The following GLCE variants were observed in gnomAD, a reference collection of about 807,000 sequenced individuals.
GLCE encodes the protein glucuronic acid epimerase.
A neutral mutation model predicts 47.9 loss-of-function variants in GLCE; 19 were observed. The ratio of observed to expected loss-of-function variants is 0.40; its 90% CI spans 0.28 to 0.58. The LOEUF (loss-of-function observed/expected upper bound fraction) is 0.58, where lower values mean the gene tolerates loss of function less well. GLCE is among the 20% of genes least tolerant of loss of function. GLCE has a pLI of 0.48. For missense variants in GLCE, 556 were observed against 743.3 expected (o/e 0.75, Z 2.93); for synonymous variants, 245 against 263.4 (o/e 0.93, Z 0.68).
intron 2 of GLCE, among the ~76,000 whole-genome samples, chr15:69,227,079 C>T (rs371201962): frequency 2.5e-3 from 374 of 151,832 alleles, no homozygotes; most frequent in African/African-American, 8.6e-3. Flanking sequence ...ATTCTTGAGT[C>T]GGATGTTAGT....
intron 1 of GLCE, among the ~76,000 whole-genome samples, chr15:69,188,867 A>G (rs2140349857): frequency 6.6e-6 from 1 of 152,332 alleles, no homozygotes; most frequent in African/African-American, 2.4e-5. Flanking sequence ...CATTGACTCA[A>G]TAAAAAATTT....
intron 1 of GLCE, among the ~76,000 whole-genome samples, chr15:69,193,012 C>T (rs2051935762): frequency 6.6e-6 from 1 of 152,084 alleles, no homozygotes. Flanking sequence ...GCCAAAGATC[C>T]AGTAGGACTG....
Position 69,261,112 on chromosome 15 carries a change from A to G in GLCE, c.612A>G (p.Gly204=), listed in dbSNP as rs1397063578. The change falls in exon 4 of 5, where the codon GGA becomes GGG. Residue 204 remains glycine (G), a synonymous_variant. Transcript: ENST00000261858. Reference sequence around the variant, plus strand: ...GTGTGCCATTATCTACACAATGGGGACCTCAAGGCTATTTCTATCCAATCC... The same window carrying G: ...GTGTGCCATTATCTACACAATGGGGGCCTCAAGGCTATTTCTATCCAATCC... ...VEGVPLSTQW[G]PQGYFYPIQI... 2 of 1,612,682 alleles carry G rather than the reference A, an allele frequency of 1.2e-6. No individual in the cohort carries two copies. Among genetic ancestry groups the G allele is most frequent in the African/African-American group, 2.7e-5 (2 of 74,992 alleles).
intron 2 of GLCE, among the ~76,000 whole-genome samples, chr15:69,255,537 C>A (rs987285950): frequency 6.6e-6 from 1 of 152,014 alleles, no homozygotes; most frequent in Non-Finnish European, 1.5e-5. Context: ...TACTGAGATA[C>A]CAAGGGAGCC....
chr15:69,206,604 A>G lies in GLCE; in HGVS notation c.-104-3712A>G, dbSNP rs115677100. On this transcript the variant is annotated intron_variant, in intron 1 of 4. Coordinates refer to ENST00000261858, the MANE Select transcript of GLCE (RefSeq NM_015554.3). ...AATACTATGTTATTTTGTTGCTAAA[A>G]TTGTTCCAGTGTTGGTCCCTGTATT... Among the ~76,000 whole-genome samples the G allele has an allele frequency of 5.1e-3, 778 of 152,070 alleles. 5 individuals carry two copies. Among genetic ancestry groups the G allele is most frequent in the African/African-American group, 0.017 (690 of 41,530 alleles).
intron 1 of GLCE, among the ~76,000 whole-genome samples, chr15:69,208,807 G>C (rs142297712): frequency 6.6e-6 from 1 of 151,926 alleles, no homozygotes; most frequent in African/African-American, 2.4e-5. Flanking sequence ...TCAGCATTTC[G>C]TTGTTGTTAG....
intron 1 of GLCE, among the ~76,000 whole-genome samples, chr15:69,182,385 AAGAGAGAG>A (rs148023337): frequency 6.9e-6 from 1 of 144,118 alleles, no homozygotes. Context: ...ATTGCGCTGA[AAGAGAGAG>A]AGAGAGAGAG....
intron 1 of GLCE, among the ~76,000 whole-genome samples, chr15:69,194,887 A>G (rs1284196715): frequency 6.6e-6 from 1 of 152,154 alleles, no homozygotes; most frequent in Non-Finnish European, 1.5e-5. Context: ...TCTAATCCAG[A>G]AGGAAGATTC....
intron 1 of GLCE, among the ~76,000 whole-genome samples, chr15:69,192,359 T>C (rs1458355899): frequency 6.6e-6 from 1 of 152,020 alleles, no homozygotes. Flanking sequence ...TATATAATAA[T>C]ATTTTTATTT....
rs575668566 is a variant in GLCE, at chr15:69,258,020, A to C, written c.586+1628A>C. Among the ~76,000 whole-genome samples the C allele has an allele frequency of 9.2e-5, 14 of 152,038 alleles. No individual in the cohort carries two copies. The South Asian group carries it at 2.9e-3, about 32-fold the overall frequency. On this transcript the variant is annotated intron_variant, in intron 3 of 4. Transcript: ENST00000261858. Reference sequence around the variant, plus strand: ...TATTTTATTTTTAATTTTTAAGTTCAGGGGTACATGTGCAGTTTTGTTATA... The same window carrying C: ...TATTTTATTTTTAATTTTTAAGTTCCGGGGTACATGTGCAGTTTTGTTATA...
chr15:69,258,722 T>G (rs867248659), intron 3 of GLCE, among the ~76,000 whole-genome samples: 3 of 152,200 alleles, frequency 2.0e-5, no homozygotes, highest in African/African-American at 7.2e-5. Context: ...TTATCCTTTC[T>G]TAGTGTTACA....
intron 1 of GLCE, among the ~76,000 whole-genome samples, chr15:69,174,037 T>A (rs953801181): frequency 3.3e-5 from 5 of 152,092 alleles, no homozygotes; most frequent in African/African-American, 1.2e-4. Flanking sequence ...TTTGTATTTT[T>A]GTAGAGATGG....
chr15:69,240,244 ACTGCAC>A (rs754447814), intron 2 of GLCE, among the ~76,000 whole-genome samples: 104,353 of 148,664 alleles, frequency 0.7, 37,495 homozygotes, highest in Admixed American at 0.79. Context: ...AGATCCCGCC[ACTGCAC>A]TCCAGCCTGG....
At chr15:69,252,034 A>T (rs1044454164) in intron 2 of GLCE, among the ~76,000 whole-genome samples, 1 of 152,138 alleles carries the variant, frequency 6.6e-6, no homozygotes, top group African/African-American at 2.4e-5. Flanking sequence ...TGGTGTGGCA[A>T]GGTGTCCCAT....
chr15:69,260,251 GGTTTTTT>G (rs2052993007), intron 3 of GLCE, among the ~76,000 whole-genome samples: 1 of 122,656 alleles, frequency 8.2e-6, no homozygotes. Flanking sequence ...AGTCACAACT[GGTTTTTT>G]TTTTTTTTTT....
chr15:69,169,909 T>C (rs1222475234), intron 1 of GLCE, among the ~76,000 whole-genome samples: 1 of 152,186 alleles, frequency 6.6e-6, no homozygotes, highest in African/African-American at 2.4e-5. Context: ...TAGATGATCA[T>C]TAAATGATTA....
intron 1 of GLCE, among the ~76,000 whole-genome samples, chr15:69,170,984 T>G (rs2051580460): frequency 6.6e-6 from 1 of 152,226 alleles, no homozygotes; most frequent in African/African-American, 2.4e-5. Context: ...GATACTTTAT[T>G]CTTAAGCATT....
chr15:69,205,161 C>T (rs1041536109), intron 1 of GLCE, among the ~76,000 whole-genome samples: 11 of 151,554 alleles, frequency 7.3e-5, no homozygotes, highest in Admixed American at 1.3e-4. Context: ...TAGTTGTGCT[C>T]CCCCCCACCC....
intron 1 of GLCE, among the ~76,000 whole-genome samples, chr15:69,208,372 C>T (rs1307496925): frequency 6.6e-6 from 1 of 151,854 alleles, no homozygotes; most frequent in Non-Finnish European, 1.5e-5. Context: ...ACAGTTGTTC[C>T]AACACCATTT....
Sources: gnomAD v4.1 joint callset for allele counts (sites outside exome capture counted in the v4.1 genomes callset) on GRCh38, gnomAD v4.1.1 for gene constraint, MANE v1.5 for transcripts, NCBI Gene and HGNC (gene_info 2026-07-23, HGNC 2026-07-21) for gene names.